PRKCB: variants seen among roughly 807,000 people sequenced by gnomAD.
The protein encoded by PRKCB is protein kinase C beta.
PRKCB carries 13 observed loss-of-function variants against 81.5 expected under a neutral mutation model. That is an observed-to-expected ratio of 0.16 (90% CI 0.10 to 0.25). The LOEUF (loss-of-function observed/expected upper bound fraction) is 0.25, where lower values mean the gene tolerates loss of function less well. Among genes scored for constraint, PRKCB ranks in the 10% least tolerant of loss-of-function variants. The probability of loss-of-function intolerance (pLI) is 1.00; values close to 1 mark genes in which losing one functional copy is unlikely to be tolerated. For missense variants in PRKCB, 509 were observed against 875.7 expected (o/e 0.58, Z 5.29); for synonymous variants, 335 against 321.4 (o/e 1.04, Z -0.45).
At chr16:23,886,424 TTTTTTTTTG>T (rs1455004992) in intron 2 of PRKCB, among the ~76,000 whole-genome samples, 13 of 133,852 alleles carry the variant, frequency 9.7e-5, no homozygotes, top group African/African-American at 2.0e-4. Flanking sequence ...TTTTTTTTTT[TTTTTTTTTG>T]ATGAAGTCTC....
At chr16:24,072,349 C>T (rs1402468881) in intron 5 of PRKCB, among the ~76,000 whole-genome samples, 1 of 151,886 alleles carries the variant, frequency 6.6e-6, no homozygotes, top group African/African-American at 2.4e-5. Context: ...CTCACTGCAG[C>T]CTGGAACTCC....
At chr16:23,863,142 A>ATG in intron 2 of PRKCB, among the ~76,000 whole-genome samples, 1 of 147,390 alleles carries the variant, frequency 6.8e-6, no homozygotes, top group Non-Finnish European at 1.5e-5. Flanking sequence ...ATGCATGTGT[A>ATG]TGTGTATATA....
At chr16:24,025,534 A>G (rs1461222933) in intron 3 of PRKCB, among the ~76,000 whole-genome samples, 1 of 152,212 alleles carries the variant, frequency 6.6e-6, no homozygotes, top group East Asian at 1.9e-4. Context: ...GAGTATAATG[A>G]TGAGCAAAAT....
rs573613433 is a variant in PRKCB at position 24,039,419 on chromosome 16, G to A, written c.529+3872G>A. ...GATTTTTTTTATTTTTAGTAGAGAC[G>A]GAGTTTCACCATGTTAGCCAGGATG... is the stretch of plus-strand genomic sequence containing the variant. On this transcript the variant is annotated intron_variant, in intron 5 of 16. Coordinates refer to ENST00000643927, the MANE Select transcript of PRKCB (RefSeq NM_002738.7). 3.9e-5 allele frequency among the ~76,000 whole-genome samples: 6 copies of A among 152,054 alleles called. No homozygotes were observed. The South Asian group carries it at 1.3e-3, about 32-fold the overall frequency.
chr16:24,088,464 C>T (rs1165256749), intron 5 of PRKCB, among the ~76,000 whole-genome samples: 3 of 152,132 alleles, frequency 2.0e-5, no homozygotes, highest in African/African-American at 7.2e-5. Flanking sequence ...CAGTGGCTCA[C>T]ACCTGTAATC....
intron 2 of PRKCB, among the ~76,000 whole-genome samples, chr16:23,841,738 C>T (rs781249816): frequency 6.8e-6 from 1 of 147,946 alleles, no homozygotes. Context: ...TCACTGCAAC[C>T]TCCACTTCCC....
At chr16:23,988,663 T>C (rs1964833056) in intron 3 of PRKCB, 73 bp downstream of exon 3, 1 of 1,328,998 alleles carries the variant, frequency 7.5e-7, no homozygotes, top group East Asian at 2.3e-5. Flanking sequence ...TGAGTGAGCA[T>C]TCTTAGACGA....
intron 2 of PRKCB, among the ~76,000 whole-genome samples, chr16:23,968,302 A>G (rs1056360023): frequency 2.6e-5 from 4 of 152,200 alleles, no homozygotes; most frequent in Admixed American, 2.6e-4. Context: ...TCATGAAAGG[A>G]CTATTTAGGG....
rs761166216 is a variant in PRKCB at position 24,154,795 on chromosome 16, G to A, written c.1177G>A (p.Val393Met). Reference protein sequence around the residue: ...DVECTMVEKRVLALPGKPPFL... With the variant: ...DVECTMVEKRMLALPGKPPFL... ...GGAGTGCACTATGGTGGAGAAGCGGGTGTTGGCCCTGCCTGGGAAGCCGCC... is the reference window on the plus strand; with the variant it reads ...GGAGTGCACTATGGTGGAGAAGCGGATGTTGGCCCTGCCTGGGAAGCCGCC... The change falls in exon 10 of 17, where the codon GTG becomes ATG. Residue 393 changes from valine to methionine, a missense_variant. Val to Met is a conservative substitution (Grantham distance 21, BLOSUM62 1). Around this residue, in one of 6 missense-constraint regions of PRKCB, gnomAD observed 106 missense variants for 214.0 expected, o/e 0.50. Transcript: ENST00000643927. 6.2e-7 allele frequency: 1 copy of A among 1,614,192 alleles called. No homozygotes were observed. The highest frequency in any genetic ancestry group is 8.5e-7 in the Non-Finnish European group (1 of 1,180,016).
intron 2 of PRKCB, among the ~76,000 whole-genome samples, chr16:23,938,107 A>G (rs1964087189): frequency 6.6e-6 from 1 of 152,192 alleles, no homozygotes; most frequent in African/African-American, 2.4e-5. Context: ...CTGGACCATT[A>G]CTAGCGAAAA....
At chr16:23,932,076 T>C (rs1165172422) in intron 2 of PRKCB, among the ~76,000 whole-genome samples, 2 of 152,194 alleles carry the variant, frequency 1.3e-5, no homozygotes, top group Non-Finnish European at 2.9e-5. Context: ...ATACAGAGAA[T>C]ATGTAGGAAA....
chr16:24,048,073 G>T (rs911805690), intron 5 of PRKCB, among the ~76,000 whole-genome samples: 6 of 152,246 alleles, frequency 3.9e-5, no homozygotes, highest in African/African-American at 1.4e-4. Context: ...AGATGCAGTC[G>T]CAGCTCCTGA....
chr16:24,163,277 A>G (rs775257614), intron 10 of PRKCB, among the ~76,000 whole-genome samples: 1 of 152,226 alleles, frequency 6.6e-6, no homozygotes, highest in African/African-American at 2.4e-5. Context: ...TTCAAGCAGG[A>G]CATAGTTATA....
intron 2 of PRKCB, among the ~76,000 whole-genome samples, chr16:23,961,116 G>T (rs77453110): frequency 0.021 from 3,173 of 151,524 alleles, 65 homozygotes; most frequent in Non-Finnish European, 0.034. Context: ...ATTATGTTGC[G>T]CAGACTGGCC....
chr16:24,011,017 G>A (rs1032660350), intron 3 of PRKCB, among the ~76,000 whole-genome samples: 1 of 152,028 alleles, frequency 6.6e-6, no homozygotes, highest in Non-Finnish European at 1.5e-5. Flanking sequence ...GGCATGTGCC[G>A]CTACGCCTGG....
chr16:24,139,393 C>T (rs967142079), intron 9 of PRKCB, among the ~76,000 whole-genome samples: 13 of 152,076 alleles, frequency 8.5e-5, no homozygotes, highest in African/African-American at 3.1e-4. Context: ...CTTATTAGAC[C>T]CAACCACACA....
At chr16:24,047,257 G>T (rs1404235073) in intron 5 of PRKCB, among the ~76,000 whole-genome samples, 1 of 152,056 alleles carries the variant, frequency 6.6e-6, no homozygotes, top group Non-Finnish European at 1.5e-5. Context: ...CAGGAGAATC[G>T]CTTGAACCCG....
intron 2 of PRKCB, among the ~76,000 whole-genome samples, chr16:23,846,682 C>T (rs1962375454): frequency 6.7e-6 from 1 of 148,734 alleles, no homozygotes; most frequent in South Asian, 2.1e-4. Context: ...CGAGGGTACA[C>T]TTTTACCTAA....
intron 3 of PRKCB, among the ~76,000 whole-genome samples, chr16:24,022,694 C>T (rs1040263690): frequency 3.3e-5 from 5 of 152,160 alleles, no homozygotes; most frequent in Non-Finnish European, 7.3e-5. Context: ...AGGGTTTCAC[C>T]GTGTTAGCCA....
Sources: gnomAD v4.1 joint callset for allele counts (sites outside exome capture counted in the v4.1 genomes callset) on GRCh38, gnomAD v4.1.1 for gene constraint, gnomAD v4.1.1 regional missense constraint, MANE v1.5 for transcripts, NCBI Gene and HGNC (gene_info 2026-07-23, HGNC 2026-07-21) for gene names.